Variants in WFDC1 observed in about 807,000 individuals in gnomAD.
WFDC1 encodes the protein WAP four-disulfide core domain 1, also known as WAP four-disulfide core domain protein 1.
In WFDC1, 39 loss-of-function variants were observed where a neutral mutation model predicts 32.9. The observed-to-expected ratio is 1.19, with a 90% CI of 0.92 to 1.55. The LOEUF is 1.55. WFDC1 is among the 40% of genes most tolerant of loss of function. The pLI, the probability that WFDC1 is intolerant of heterozygous loss-of-function variation, is 0.00. For missense variants in WFDC1, 386 were observed against 309.5 expected (o/e 1.25, Z -1.85); for synonymous variants, 184 against 137.4 (o/e 1.34, Z -2.37).
At position 84,321,797 on chromosome 16, in the gene WFDC1, T is replaced by G. The variant is rs554586607; in HGVS notation, c.562+2226T>G. The stretch of plus-strand genomic sequence containing the variant: ...AACCAGGAGGCAGTGCTGCATAGGT[T>G]TCAGAGTGCAGGCTCAGAACCACAG... On this transcript the variant is annotated intron_variant, in intron 4 of 6. Coordinates refer to ENST00000219454, the MANE Select transcript of WFDC1 (RefSeq NM_021197.4). Among the ~76,000 whole-genome samples, 31 of 152,258 alleles carry G rather than the reference T, an allele frequency of 2.0e-4. No homozygotes were observed. In the South Asian group the frequency reaches 5.8e-3, roughly 29 times the overall value.
At chr16:84,325,915 T>G (rs1908565756) in intron 5 of WFDC1, 1 of 151,332 alleles carries the variant, frequency 6.6e-6, no homozygotes, top group Non-Finnish European at 1.5e-5. Context: ...TTCATTCATC[T>G]ATCTCTTCTT....
chr16:84,298,295 G>T (rs139549963), intron 1 of WFDC1, among the ~76,000 whole-genome samples: 1 of 152,138 alleles, frequency 6.6e-6, no homozygotes, highest in East Asian at 1.9e-4. Flanking sequence ...TTTTAGTAGA[G>T]ATGGGGTTTT....
intron 3 of WFDC1, chr16:84,319,172 A>C: frequency 1.9e-6 from 1 of 529,854 alleles, no homozygotes. Flanking sequence ...GATGTTGCTG[A>C]GCCTGTGAGA....
intron 4 of WFDC1, among the ~76,000 whole-genome samples, chr16:84,323,218 C>G (rs933391660): frequency 1.3e-5 from 2 of 152,160 alleles, no homozygotes; most frequent in Admixed American, 1.3e-4. Context: ...GCACCTTGAC[C>G]GATAAATGTC....
intron 2 of WFDC1, chr16:84,316,155 T>A (rs549008252): frequency 6.6e-6 from 1 of 152,190 alleles, no homozygotes; most frequent in African/African-American, 2.4e-5. Flanking sequence ...AACCGAAAGG[T>A]TGCGTATAGA....
In WFDC1 at chr16:84,319,423, T is replaced by A; in HGVS notation, c.422-8T>A. 3 of 1,608,596 alleles carry A rather than the reference T, an allele frequency of 1.9e-6. No individual in the cohort carries two copies. Among genetic ancestry groups the A allele is most frequent in the Non-Finnish European group, 2.5e-6 (3 of 1,179,682 alleles). On this transcript the variant is annotated splice_polypyrimidine_tract_variant and splice_region_variant and intron_variant, in intron 3 of 6. Coordinates refer to ENST00000219454, the MANE Select transcript of WFDC1 (RefSeq NM_021197.4). ...CCTTCTAGACCCCAGCGTGTGTCCC[T>A]CCTGCAGCAGAGGCGTGCAGCACCA...
intron 2 of WFDC1, among the ~76,000 whole-genome samples, chr16:84,313,508 G>A (rs535524430): frequency 1.3e-5 from 2 of 152,348 alleles, no homozygotes; most frequent in East Asian, 3.9e-4. Flanking sequence ...GGATGCGGGT[G>A]CAGTGGGATT....
intron 4 of WFDC1, among the ~76,000 whole-genome samples, chr16:84,321,466 G>A (rs753078612): frequency 5.9e-5 from 9 of 152,168 alleles, no homozygotes; most frequent in South Asian, 2.1e-4. Flanking sequence ...GGCGAGTTGT[G>A]AGTTCGTTGG....
At chr16:84,315,392 C>T (rs1465899839) in intron 2 of WFDC1, among the ~76,000 whole-genome samples, 1 of 152,228 alleles carries the variant, frequency 6.6e-6, no homozygotes, top group Non-Finnish European at 1.5e-5. Flanking sequence ...AGGTCAGCCC[C>T]ACAGGGCAGG....
At chr16:84,324,279 T>C in intron 4 of WFDC1, 140 bp from the exon 5 acceptor site, 1 of 709,820 alleles carries the variant, frequency 1.4e-6, no homozygotes, top group South Asian at 1.9e-5. Context: ...CAAATGCTCA[T>C]GTAGCCTCTG....
At chr16:84,304,974 C>T (rs984194378) in intron 1 of WFDC1, among the ~76,000 whole-genome samples, 1 of 152,220 alleles carries the variant, frequency 6.6e-6, no homozygotes, top group African/African-American at 2.4e-5. Context: ...CAGTTCCAGG[C>T]TCCTGGGTCA....
chr16:84,301,611 T>C (rs1188802743), intron 1 of WFDC1, among the ~76,000 whole-genome samples: 2 of 152,086 alleles, frequency 1.3e-5, no homozygotes, highest in East Asian at 1.9e-4. Flanking sequence ...AGGCTCATGG[T>C]TGAGAACCCC....
At chr16:84,323,750 C>T (rs1908433217) in intron 4 of WFDC1, among the ~76,000 whole-genome samples, 1 of 152,228 alleles carries the variant, frequency 6.6e-6, no homozygotes, top group Non-Finnish European at 1.5e-5. Flanking sequence ...AGTGTCATCT[C>T]TTCCCCCTGT....
At chr16:84,305,854 T>G (rs1402529018) in intron 1 of WFDC1, among the ~76,000 whole-genome samples, 1 of 150,486 alleles carries the variant, frequency 6.6e-6, no homozygotes, top group African/African-American at 2.5e-5. Flanking sequence ...ATACAAAATA[T>G]TAGCCAGGCG....
At chr16:84,320,925 G>C (rs777612823) in intron 4 of WFDC1, among the ~76,000 whole-genome samples, 1 of 152,080 alleles carries the variant, frequency 6.6e-6, no homozygotes, top group Admixed American at 6.5e-5. Context: ...AGGCATAGAC[G>C]TAAAATCAGT....
chr16:84,321,624 TA>T lies in WFDC1; in HGVS notation c.562+2060del, dbSNP rs528892516. On this transcript the variant is annotated intron_variant, in intron 4 of 6. Transcript: ENST00000219454. ...CTAGTTCTTAAGGGTTCAAACCAGT[TA>T]AAAAAATTCCCATTTCAAGACAGAG... is the stretch of plus-strand genomic sequence containing the variant. Among the ~76,000 whole-genome samples, 31 of 152,308 alleles carry T rather than the reference TA, an allele frequency of 2.0e-4. No individual in the cohort carries two copies. In the South Asian group the frequency reaches 5.8e-3, roughly 28 times the overall value.
Position 84,312,958 on chromosome 16 carries a change from C to T in WFDC1, c.145-3C>T. 8.6e-7 allele frequency: 1 copy of T among 1,156,684 alleles called. No homozygotes were observed. Among genetic ancestry groups the T allele is most frequent in the Non-Finnish European group, 1.1e-6 (1 of 940,594 alleles). 71.7% of individuals were successfully genotyped at this position (1,156,684 alleles called of 1,614,324 possible). On this transcript the variant is annotated splice_region_variant and splice_polypyrimidine_tract_variant and intron_variant, in intron 1 of 6. Coordinates refer to ENST00000219454, the MANE Select transcript of WFDC1 (RefSeq NM_021197.4). ...AGCTGCTGACACCGCCCTCTCCCCG[C>T]AGGCCGAGGAGGCGGGCGCGCCCGG...
rs1597689559 is a variant in WFDC1 at position 84,319,504 on chromosome 16, G to C, written c.495G>C (p.Leu165=). The change falls in exon 4 of 7, where the codon CTG becomes CTC. Residue 165 remains leucine, a synonymous_variant. Coordinates refer to ENST00000219454, the MANE Select transcript of WFDC1 (RefSeq NM_021197.4). ...LCPSGYECHI[L]SPGDVAEGIP... ...CCTCGGGCTATGAGTGCCACATCCT[G>C]AGCCCAGGTGACGTGGCCGAAGGTA... 6.2e-7 allele frequency: 1 copy of C among 1,612,864 alleles called. No individual in the cohort carries two copies.
intron 1 of WFDC1, among the ~76,000 whole-genome samples, chr16:84,305,116 A>G (rs749939901): frequency 9.9e-5 from 15 of 152,222 alleles, no homozygotes; most frequent in African/African-American, 1.4e-4. Context: ...GGTTTAGAAT[A>G]GCAGCAGCCC....
Sources: allele counts gnomAD v4.1 joint callset (sites outside exome capture counted in the v4.1 genomes callset), GRCh38; gene constraint gnomAD v4.1.1; transcripts MANE v1.5; gene names NCBI Gene and HGNC (gene_info 2026-07-23, HGNC 2026-07-21).